Variants in RBFOX3 observed in about 807,000 individuals in gnomAD.
RBFOX3 encodes the protein RNA binding fox-1 homolog 3.
In RBFOX3, 17 loss-of-function variants were observed where a neutral mutation model predicts 48.7. That is an observed-to-expected ratio of 0.35 (90% CI 0.24 to 0.52). The LOEUF is 0.52. Ranked by LOEUF, RBFOX3 falls within the 20% of genes least tolerant of loss-of-function variation. RBFOX3 has a pLI of 0.94. For missense variants in RBFOX3, 382 were observed against 497.5 expected (o/e 0.77, Z 2.21); for synonymous variants, 212 against 209.5 (o/e 1.01, Z -0.10).
chr17:79,516,029 A>T (rs2085200028), intron 1 of RBFOX3: 1 of 152,288 alleles, frequency 6.6e-6, no homozygotes, highest in Non-Finnish European at 1.5e-5. Context: ...ACAGCCAAGA[A>T]CATTTCACCA....
chr17:79,543,472 A>G (rs1431927579), intron 1 of RBFOX3, among the ~76,000 whole-genome samples: 1 of 151,960 alleles, frequency 6.6e-6, no homozygotes, highest in Non-Finnish European at 1.5e-5. Context: ...CTTGGAACCA[A>G]ACAGGTACTC....
At chr17:79,185,180 G>A (rs1421669256) in intron 4 of RBFOX3, among the ~76,000 whole-genome samples, 2 of 152,336 alleles carry the variant, frequency 1.3e-5, no homozygotes, top group Non-Finnish European at 2.9e-5. Flanking sequence ...GGGGAGAGAC[G>A]AGGCAGGCGA....
In RBFOX3 at chr17:79,221,621, C is replaced by T. The variant is rs149617326; in HGVS notation, c.-34+14145G>A. 8.2e-4 allele frequency among the ~76,000 whole-genome samples: 125 copies of T among 152,326 alleles called. 4 individuals are homozygous for T. The highest frequency in any genetic ancestry group is 5.9e-4 in the Non-Finnish European group (40 of 68,020). On this transcript the variant is annotated intron_variant, in intron 4 of 14. Transcript: ENST00000693108. ...CAGCTGTGGTAAGGTGGGGTCCGGG[C>T]GAATTCATGATCGTCTTCAGTGAGA...
intron 4 of RBFOX3, among the ~76,000 whole-genome samples, chr17:79,143,427 G>C (rs1386701988): frequency 2.7e-5 from 4 of 149,442 alleles, no homozygotes; most frequent in African/African-American, 4.9e-5. Context: ...CCTTCTCCAA[G>C]CCAGCTCCAC....
At chr17:79,178,668 C>G (rs1301407179) in intron 4 of RBFOX3, among the ~76,000 whole-genome samples, 1 of 152,192 alleles carries the variant, frequency 6.6e-6, no homozygotes, top group Non-Finnish European at 1.5e-5. Flanking sequence ...ACAAATGTAA[C>G]CGAGCTACTT....
At position 79,094,446 on chromosome 17, in the gene RBFOX3, CT is replaced by C; in HGVS notation, c.1077+4del. On this transcript the variant is annotated splice_donor_region_variant and intron_variant, in intron 14 of 14. Coordinates refer to ENST00000693108, the MANE Select transcript of RBFOX3 (RefSeq NM_001350451.2). ...CCCAGGGCTGGGCGGGCCTGGGCTC[CT>C]TACCATGGTTCCAATGCTGTAGGTC... The C allele has an allele frequency of 6.7e-7, 1 of 1,497,134 alleles. No individual in the cohort carries two copies. 92.7% of individuals were successfully genotyped at this position (1,497,134 alleles called of 1,614,324 possible).
chr17:79,314,248 G>A (rs1173623259), intron 2 of RBFOX3, among the ~76,000 whole-genome samples: 2 of 152,224 alleles, frequency 1.3e-5, no homozygotes, highest in African/African-American at 4.8e-5. Flanking sequence ...GGTAACCATG[G>A]CTCCCTGGGA....
chr17:79,397,514 A>G (rs1023264901), intron 2 of RBFOX3, among the ~76,000 whole-genome samples: 4 of 141,830 alleles, frequency 2.8e-5, no homozygotes, highest in African/African-American at 1.0e-4. Context: ...AAAAAGTGCG[A>G]CCCCCACCCC....
chr17:79,656,896 G>A, the RBFOX3 span, among the ~76,000 whole-genome samples: 1 of 98,588 alleles, frequency 1.0e-5, no homozygotes, highest in Non-Finnish European at 2.1e-5. Context: ...AAGGAAGGAG[G>A]GAAGGAAGGA....
chr17:79,544,318 C>T (rs1231804979), intron 1 of RBFOX3, among the ~76,000 whole-genome samples: 5 of 152,094 alleles, frequency 3.3e-5, no homozygotes, highest in East Asian at 3.9e-4. Context: ...AGCTCAGGCG[C>T]GCTGGCACGT....
chr17:79,371,883 C>A (rs144823107), intron 2 of RBFOX3, among the ~76,000 whole-genome samples: 3 of 152,078 alleles, frequency 2.0e-5, no homozygotes, highest in African/African-American at 7.2e-5. Flanking sequence ...TGGCTGTCCC[C>A]GCAGAAAGCA....
intron 2 of RBFOX3, among the ~76,000 whole-genome samples, chr17:79,455,218 G>A (rs1233544223): frequency 1.3e-5 from 2 of 152,222 alleles, no homozygotes; most frequent in African/African-American, 2.4e-5. Flanking sequence ...GCTACTCCCA[G>A]GTCAGCAGCC....
intron 2 of RBFOX3, among the ~76,000 whole-genome samples, chr17:79,350,035 C>T (rs2083603652): frequency 6.6e-6 from 1 of 152,204 alleles, no homozygotes; most frequent in South Asian, 2.1e-4. Flanking sequence ...TTCAGATCTG[C>T]TCATCCCTCG....
chr17:79,324,256 A>G (rs771853364), intron 2 of RBFOX3, among the ~76,000 whole-genome samples: 1 of 152,238 alleles, frequency 6.6e-6, no homozygotes, highest in Non-Finnish European at 1.5e-5. Flanking sequence ...TGTCACAGCC[A>G]GGAGGAGCAG....
At chr17:79,097,173 TC>T (rs147472360) in intron 11 of RBFOX3, 118 bp downstream of exon 11, 152,470 of 637,624 alleles carry the variant, frequency 0.24, 13,429 homozygotes, top group Admixed American at 0.25. Flanking sequence ...CCCACGATCC[TC>T]CCCCCCCCCA....
chr17:79,167,420 C>T (rs1167492043), intron 4 of RBFOX3, among the ~76,000 whole-genome samples: 1 of 152,206 alleles, frequency 6.6e-6, no homozygotes, highest in Non-Finnish European at 1.5e-5. Flanking sequence ...TGAGCACCCT[C>T]CAAGGAGGCC....
intron 3 of RBFOX3, among the ~76,000 whole-genome samples, chr17:79,276,290 G>T (rs1227027917): frequency 6.6e-6 from 1 of 152,180 alleles, no homozygotes; most frequent in Non-Finnish European, 1.5e-5. Flanking sequence ...TTATGGTGAT[G>T]GTTGCCCAAC....
chr17:79,300,485 T>C (rs1019766868), intron 3 of RBFOX3, among the ~76,000 whole-genome samples: 3 of 152,098 alleles, frequency 2.0e-5, no homozygotes, highest in East Asian at 1.9e-4. Context: ...AAAAATGAAA[T>C]AGAGACATAG....
chr17:79,246,420 G>A (rs557530674), intron 3 of RBFOX3, among the ~76,000 whole-genome samples: 1 of 152,364 alleles, frequency 6.6e-6, no homozygotes, highest in East Asian at 1.9e-4. Context: ...GTCTGATTAC[G>A]CTGAGTGGGC....
Sources: allele counts gnomAD v4.1 joint callset (sites outside exome capture counted in the v4.1 genomes callset), GRCh38; gene constraint gnomAD v4.1.1; transcripts MANE v1.5; gene names NCBI Gene and HGNC (gene_info 2026-07-23, HGNC 2026-07-21).